The following PUDP variants were observed in gnomAD, a reference collection of about 807,000 sequenced individuals.
PUDP encodes pseudouridine 5'-phosphatase.
PUDP carries 8 observed loss-of-function variants against 9.4 expected under a neutral mutation model. That is an observed-to-expected ratio of 0.85 (90% CI 0.50 to 1.53). The LOEUF is 1.53. Ranked by LOEUF, PUDP falls within the 40% of genes most tolerant of loss-of-function variation. The pLI is 0.00. For missense variants in PUDP, 188 were observed against 189.7 expected (o/e 0.99, Z 0.05); for synonymous variants, 99 against 80.7 (o/e 1.23, Z -1.22).
At chrX:7,089,593 C>G (rs1214851462) in intron 2 of PUDP, among the ~76,000 whole-genome samples, 1 of 110,998 alleles carries the variant, frequency 9.0e-6, no homozygotes, top group African/African-American at 3.3e-5. Flanking sequence ...TTTTGAAACA[C>G]AAATTCAACT....
chrX:7,147,722 G>C (rs1350669828), intron 1 of PUDP: 1 of 112,788 alleles, frequency 8.9e-6, no homozygotes, highest in Admixed American at 9.3e-5. Context: ...GCTCTGAGGA[G>C]AGGACGCGGA....
At chrX:7,055,249 CT>C (rs747189169) in intron 3 of PUDP, among the ~76,000 whole-genome samples, 2 of 109,492 alleles carry the variant, frequency 1.8e-5, no homozygotes, top group Non-Finnish European at 3.8e-5. Flanking sequence ...TATTTATTTT[CT>C]TTTTTTTTTG....
intron 3 of PUDP, among the ~76,000 whole-genome samples, chrX:6,881,046 G>A (rs900778765): frequency 8.9e-6 from 1 of 112,051 alleles, no homozygotes; most frequent in African/African-American, 3.2e-5. Flanking sequence ...GTCTGCCAGG[G>A]CACAATTTGC....
intron 3 of PUDP, among the ~76,000 whole-genome samples, chrX:6,969,264 G>A (rs887099278): frequency 1.8e-5 from 2 of 111,905 alleles, no homozygotes; most frequent in Non-Finnish European, 3.8e-5. Flanking sequence ...GTCATGGGCC[G>A]GCATTTCATT....
chrX:6,963,048 T>A (rs1928730761), intron 3 of PUDP, among the ~76,000 whole-genome samples: 1 of 112,448 alleles, frequency 8.9e-6, no homozygotes, highest in African/African-American at 3.2e-5. Flanking sequence ...ATAGTCAGTC[T>A]CATAAACAAT....
intron 3 of PUDP, among the ~76,000 whole-genome samples, chrX:6,790,553 T>A (rs1925728305): frequency 1.8e-5 from 2 of 112,769 alleles, no homozygotes; most frequent in African/African-American, 6.4e-5. Context: ...GTAATTTGGA[T>A]TTTAGACAGG....
rs772213685 is a variant in PUDP at position 6,924,375 on chromosome X, CG to C, written c.*247+52757del. ...GGGTAGTTGCTAATGAGAAATAGAA[CG>C]GGGGTTGAAAGAGGACTGTTTGCAT... On this transcript the variant is annotated intron_variant and NMD_transcript_variant, in intron 3 of 3. Transcript: ENST00000655425. Among the ~76,000 whole-genome samples, 24 of 111,595 alleles carry C rather than the reference CG, an allele frequency of 2.2e-4. No homozygotes were observed. The East Asian group carries it at 6.7e-3, about 31-fold the overall frequency.
In PUDP at chrX:7,028,707, T is replaced by C. The variant is rs947107899; in HGVS notation, c.204+48513A>G. On this transcript the variant is annotated intron_variant and NMD_transcript_variant, in intron 1 of 3. Transcript: ENST00000655425. ...AATGGGTAAAAAGGGCTGCTTGAAA[T>C]GTACAAACCACGTGACTGGGAAGAT... Among the ~76,000 whole-genome samples the C allele has an allele frequency of 2.7e-5, 3 of 111,839 alleles. No individual in the cohort carries two copies. In the Admixed American group the frequency reaches 2.8e-4, roughly 11 times the overall value.
At chrX:7,099,067 A>G (rs1168835492) in intron 2 of PUDP, among the ~76,000 whole-genome samples, 2 of 112,528 alleles carry the variant, frequency 1.8e-5, no homozygotes, top group Non-Finnish European at 3.8e-5. Context: ...CACATGGGAA[A>G]GCAGAGAGCT....
At position 6,875,136 on chromosome X, in the gene PUDP, A is replaced by G. The variant is rs769175116; in HGVS notation, c.*247+101997T>C. Among the ~76,000 whole-genome samples the G allele has an allele frequency of 7.9e-4, 88 of 111,905 alleles. 1 individual carries two copies. Among genetic ancestry groups the G allele is most frequent in the Admixed American group, 2.2e-3 (23 of 10,516 alleles). On this transcript the variant is annotated intron_variant and NMD_transcript_variant, in intron 3 of 3. Coordinates refer to the PUDP transcript ENST00000655425. ...CAGGCTGGAGTGAAGCAGCATAATC[A>G]TGGCTCACTGCAGCCTTGAACTCCC...
intron 3 of PUDP, among the ~76,000 whole-genome samples, chrX:6,956,052 T>G: frequency 9.0e-6 from 1 of 111,135 alleles, no homozygotes; most frequent in Non-Finnish European, 1.9e-5. Flanking sequence ...TACTATTTCT[T>G]GTTTGTTTGT....
chrX:6,964,268 C>A (rs1421080843), intron 3 of PUDP, among the ~76,000 whole-genome samples: 1 of 112,173 alleles, frequency 8.9e-6, no homozygotes. Context: ...GTGAGAAATG[C>A]ACATTCTATA....
chrX:6,744,172 G>A (rs939934004), intron 3 of PUDP, among the ~76,000 whole-genome samples: 1 of 112,125 alleles, frequency 8.9e-6, no homozygotes, highest in Non-Finnish European at 1.9e-5. Context: ...TACAAACACT[G>A]CTGTGCCCCT....
At chrX:6,711,025 A>G (rs780894903) in intron 1 of PUDP, among the ~76,000 whole-genome samples, 2 of 111,860 alleles carry the variant, frequency 1.8e-5, no homozygotes, top group African/African-American at 6.5e-5. Flanking sequence ...AAATGTCCCA[A>G]CTGGAAGGAA....
intron 3 of PUDP, among the ~76,000 whole-genome samples, chrX:7,055,977 T>G (rs777788036): frequency 6.3e-5 from 7 of 111,364 alleles, no homozygotes; most frequent in Non-Finnish European, 1.1e-4. Context: ...CTGGCTCTCA[T>G]GCTTCCTTTT....
intron 3 of PUDP, among the ~76,000 whole-genome samples, chrX:6,929,155 G>A (rs766322281): frequency 1.8e-5 from 2 of 112,177 alleles, no homozygotes; most frequent in South Asian, 7.4e-4. Flanking sequence ...TATGAGATAC[G>A]CAGTTAAATT....
chrX:6,835,258 T>C (rs1419289965), intron 3 of PUDP, among the ~76,000 whole-genome samples: 1 of 110,818 alleles, frequency 9.0e-6, no homozygotes, highest in Non-Finnish European at 1.9e-5. Context: ...CAGGAGCCGA[T>C]TTCTGATGAT....
intron 1 of PUDP, among the ~76,000 whole-genome samples, chrX:6,711,074 C>A (rs1924526916): frequency 8.9e-6 from 1 of 111,906 alleles, no homozygotes; most frequent in African/African-American, 3.2e-5. Flanking sequence ...AAAACATCCC[C>A]TTCCCCCTCT....
At chrX:6,971,071 C>CA (rs1005800454) in intron 3 of PUDP, among the ~76,000 whole-genome samples, 19 of 107,631 alleles carry the variant, frequency 1.8e-4, no homozygotes, top group Admixed American at 6.9e-4. Flanking sequence ...AACAAAAAAA[C>CA]AAAAAAAAAC....
Sources: gnomAD v4.1 joint callset for allele counts (sites outside exome capture counted in the v4.1 genomes callset) on GRCh38, gnomAD v4.1.1 for gene constraint, MANE v1.5 for transcripts, NCBI Gene and HGNC (gene_info 2026-07-23, HGNC 2026-07-21) for gene names.